The following BOC variants were observed in gnomAD, a reference collection of about 807,000 sequenced individuals.
BOC encodes the protein BOC cell adhesion associated, oncogene regulated.
A neutral mutation model predicts 112.0 loss-of-function variants in BOC; 76 were observed. The observed-to-expected ratio is 0.68, with a 90% CI of 0.56 to 0.82. The LOEUF (loss-of-function observed/expected upper bound fraction) is 0.82, where lower values mean the gene tolerates loss of function less well. BOC is among the 40% of genes least tolerant of loss of function. The probability of loss-of-function intolerance (pLI) is 0.00; values close to 1 mark genes in which losing one functional copy is unlikely to be tolerated. For synonymous variants in BOC, 580 were observed against 599.8 expected, an observed-to-expected ratio of 0.97 and a Z score of 0.48; for missense variants, 1,309 against 1,511.7, an observed-to-expected ratio of 0.87 and a Z score of 2.22.
At chr3:113,217,317 G>A (rs965471368) in intron 2 of BOC, among the ~76,000 whole-genome samples, 1 of 152,174 alleles carries the variant, frequency 6.6e-6, no homozygotes, top group African/African-American at 2.4e-5. Context: ...GGAGTTCCAG[G>A]CCAGCCTGGG....
intron 4 of BOC, among the ~76,000 whole-genome samples, chr3:113,267,161 A>G (rs1559861957): frequency 6.6e-6 from 1 of 152,196 alleles, no homozygotes; most frequent in Non-Finnish European, 1.5e-5. Context: ...GTGTCTGGGT[A>G]AAATATTTCC....
chr3:113,272,524 G>A lies in BOC; in HGVS notation c.782G>A (p.Arg261Gln), dbSNP rs367927070. 3.1e-4 allele frequency: 505 copies of A among 1,613,870 alleles called. No individual in the cohort carries two copies. The highest frequency in any genetic ancestry group is 4.0e-4 in the Non-Finnish European group (471 of 1,179,972). Residue 261 changes from arginine to glutamine, a missense_variant, in exon 7 of 20, where the codon CGG becomes CAG. Physicochemically the swap from Arg to Gln is conservative, Grantham distance 43 (BLOSUM62 1). Transcript: ENST00000682979. ...GTGGCCAGTGGAATCCCACCCCCACGGGTCACCTGGGCCAAGGATGGGTCC... is the reference window on the plus strand; with the variant it reads ...GTGGCCAGTGGAATCCCACCCCCACAGGTCACCTGGGCCAAGGATGGGTCC... ...ECVASGIPPP[R>Q]VTWAKDGSSV... is the part of the protein sequence containing the mutation.
chr3:113,241,811 T>C (rs1259029858), intron 2 of BOC, among the ~76,000 whole-genome samples: 1 of 152,146 alleles, frequency 6.6e-6, no homozygotes, highest in Non-Finnish European at 1.5e-5. Context: ...GACTGGCAGT[T>C]GAACCCCCTC....
intron 4 of BOC, among the ~76,000 whole-genome samples, chr3:113,264,575 G>T (rs557324904): frequency 5.3e-5 from 8 of 152,156 alleles, no homozygotes; most frequent in Admixed American, 2.6e-4. Flanking sequence ...CTTCATATGC[G>T]CCAGCTAGAG....
Position 113,286,659 on chromosome 3 carries a change from C to A in BOC, c.3161-16C>A, listed in dbSNP as rs757011114. On this transcript the variant is annotated splice_polypyrimidine_tract_variant and intron_variant, in intron 19 of 19. Transcript: ENST00000682979. ...TCAATCTGGATTTTAATGGTTCCTA[C>A]TCTTTCTCCCCTCAGGGCCCCCATG... The A allele has an allele frequency of 1.9e-6, 3 of 1,550,770 alleles. No individual in the cohort carries two copies. The highest frequency in any genetic ancestry group is 2.6e-6 in the Non-Finnish European group (3 of 1,148,812).
chr3:113,286,677 C>T lies in BOC; in HGVS notation c.3163C>T (p.Pro1055Ser), dbSNP rs370529653. ...GTTCCTACTCTTTCTCCCCTCAGGG[C>T]CCCCATGCTGCTTGGGCCTTGTGCC... ...AVWDPPFHSG[P>S]PCCLGLVPVE... is the part of the protein sequence containing the mutation. The change falls in exon 20 of 20, where the codon CCC (proline) becomes TCC (serine). Residue 1055 changes from proline (P) to serine (S), a missense_variant and splice_region_variant. Transcript: ENST00000682979. The T allele has an allele frequency of 2.4e-5, 38 of 1,575,780 alleles. No individual in the cohort carries two copies. Among genetic ancestry groups the T allele is most frequent in the Non-Finnish European group, 2.9e-5 (34 of 1,162,926 alleles).
intron 2 of BOC, among the ~76,000 whole-genome samples, chr3:113,233,637 T>TAAAC (rs1194937890): frequency 6.6e-6 from 1 of 152,122 alleles, no homozygotes; most frequent in Non-Finnish European, 1.5e-5. Flanking sequence ...AGTTGAACCC[T>TAAAC]AAACACTTAA....
At position 113,268,173 on chromosome 3, in the gene BOC, G is replaced by A. The variant is rs1039580485; in HGVS notation, c.377-126G>A. 10 of 1,416,050 alleles carry A rather than the reference G, an allele frequency of 7.1e-6. No individual in the cohort carries two copies. The African/African-American group carries it at 1.4e-4, about 20-fold the overall frequency. The allele number at this position is 1,416,050 out of a possible 1,614,324, so 87.7% of individuals were successfully genotyped here. ...AAGGGGCTGGAGGAAGAACTCGGAG[G>A]ATCCCCTGATATCCCCCTAGGTGTG... On this transcript the variant is annotated intron_variant, in intron 4 of 19. Coordinates refer to ENST00000682979, the MANE Select transcript of BOC (RefSeq NM_001378074.1).
At chr3:113,283,373 G>GA in intron 15 of BOC, 38 bp from the exon 16 acceptor site, 1 of 1,530,714 alleles carries the variant, frequency 6.5e-7, no homozygotes, top group Non-Finnish European at 8.8e-7. Flanking sequence ...AAATATCAAA[G>GA]AAACATATGC....
chr3:113,241,912 CAG>C (rs10561438), intron 2 of BOC, among the ~76,000 whole-genome samples: 7,048 of 151,916 alleles, frequency 0.046, 265 homozygotes, highest in African/African-American at 0.11. Flanking sequence ...TGTCCTGACT[CAG>C]AGAAGGGAGG....
rs1192028182 is a variant in BOC, at chr3:113,250,710, C to T, written c.253C>T (p.Leu85Phe). The T allele has an allele frequency of 1.2e-6, 2 of 1,614,128 alleles. No individual in the cohort carries two copies. The highest frequency in any genetic ancestry group is 1.7e-6 in the Non-Finnish European group (2 of 1,180,012). Residue 85 changes from leucine (L) to phenylalanine (F), a missense_variant, in exon 4 of 20, where the codon CTC becomes TTC. Coordinates refer to ENST00000682979, the MANE Select transcript of BOC (RefSeq NM_001378074.1). ...LNGSDDALGV[L>F]ITHGTLVITA... is the part of the protein sequence containing the mutation. Reference sequence around the variant, plus strand: ...TGGCTCGGATGATGCTCTGGGTGTCCTCATCACCCACGGGACCCTCGTCAT... The same window carrying T: ...TGGCTCGGATGATGCTCTGGGTGTCTTCATCACCCACGGGACCCTCGTCAT...
At chr3:113,221,692 C>A (rs1239386141) in intron 2 of BOC, among the ~76,000 whole-genome samples, 1 of 152,266 alleles carries the variant, frequency 6.6e-6, no homozygotes, top group Non-Finnish European at 1.5e-5. Flanking sequence ...CCTAAGTGTT[C>A]TCTCTGCTTC....
At chr3:113,286,596 A>T in intron 19 of BOC, 79 bp from the exon 20 acceptor site, 1 of 1,215,880 alleles carries the variant, frequency 8.2e-7, no homozygotes, top group Admixed American at 2.7e-5. Context: ...CACCACAGAT[A>T]GAGATTGGCC....
chr3:113,281,051 A>G lies in BOC; in HGVS notation c.2332A>G (p.Ile778Val), dbSNP rs765360139. ...MVEGDKYWHS[I>V]SHLQPETSYD... ...CCCAGGGGACAAGTACTGGCACTCC[A>G]TCAGCCACCTGCAGCCAGAGACCTC... Residue 778 changes from isoleucine (I) to valine (V), a missense_variant, in exon 15 of 20, where the codon ATC becomes GTC. Transcript: ENST00000682979. The G allele has an allele frequency of 3.7e-6, 6 of 1,614,108 alleles. No individual in the cohort carries two copies. Among genetic ancestry groups the G allele is most frequent in the Non-Finnish European group, 5.1e-6 (6 of 1,179,998 alleles).
rs199688330 is a variant in BOC, at chr3:113,285,457, G to C, written c.3052G>C (p.Asp1018His). The C allele has an allele frequency of 7.4e-6, 12 of 1,614,076 alleles. No individual in the cohort carries two copies. Among genetic ancestry groups the C allele is most frequent in the Non-Finnish European group, 1.0e-5 (12 of 1,179,988 alleles). ...STHQLLQPHH[D>H]CCQRQEQPAA... is the part of the protein sequence containing the mutation. ...TCACCAGCTGCTGCAGCCCCATCAC[G>C]ACTGCTGCCAACGCCAGGAGCAGCC... The change falls in exon 19 of 20, where the codon GAC becomes CAC. Residue 1018 changes from aspartate (D) to histidine (H), a missense_variant. Physicochemically the swap from Asp to His is moderately conservative, Grantham distance 81. Transcript: ENST00000682979.
At chr3:113,259,409 G>A (rs1946572344) in intron 4 of BOC, among the ~76,000 whole-genome samples, 1 of 152,162 alleles carries the variant, frequency 6.6e-6, no homozygotes, top group African/African-American at 2.4e-5. Context: ...AGAAGCCAAG[G>A]GAAAGATTGA....
chr3:113,263,617 A>G (rs1947134361), intron 4 of BOC, among the ~76,000 whole-genome samples: 3 of 152,266 alleles, frequency 2.0e-5, no homozygotes, highest in Admixed American at 1.3e-4. Flanking sequence ...CTGTAGTTGG[A>G]CACGTAAAGT....
chr3:113,272,460 A>G lies in BOC; in HGVS notation c.718A>G (p.Ile240Val), dbSNP rs778071935. The change falls in exon 7 of 20, where the codon ATC (isoleucine) becomes GTC (valine). Residue 240 changes from isoleucine to valine, a missense_variant. Ile to Val is a conservative substitution (Grantham distance 29). Coordinates refer to ENST00000682979, the MANE Select transcript of BOC (RefSeq NM_001378074.1). ...RIIYPPEAQT[I>V]IVTKGQSLIL... The stretch of plus-strand genomic sequence containing the variant: ...CATCTACCCCCCAGAGGCCCAAACC[A>G]TCATCGTCACCAAAGGCCAGAGTCT... 7.4e-6 allele frequency: 12 copies of G among 1,613,882 alleles called. No homozygotes were observed. The highest frequency in any genetic ancestry group is 2.2e-5 in the East Asian group (1 of 44,854).
intron 3 of BOC, among the ~76,000 whole-genome samples, chr3:113,250,112 C>CAGA (rs56763482): frequency 0.12 from 17,952 of 152,028 alleles, 1,556 homozygotes; most frequent in African/African-American, 0.25. Flanking sequence ...AAAGCTATAC[C>CAGA]GGAGGAGGAG....
Sources: gnomAD v4.1 joint callset for allele counts (sites outside exome capture counted in the v4.1 genomes callset) on GRCh38, gnomAD v4.1.1 for gene constraint, MANE v1.5 for transcripts, NCBI Gene and HGNC (gene_info 2026-07-23, HGNC 2026-07-21) for gene names.